Variants in CGN observed in about 807,000 individuals in gnomAD.
The protein encoded by CGN is cingulin.
CGN carries 121 observed loss-of-function variants against 157.1 expected under a neutral mutation model. The ratio of observed to expected loss-of-function variants is 0.77; its 90% CI spans 0.66 to 0.90. The LOEUF is 0.90. Ranked by LOEUF, CGN falls within the 40% of genes least tolerant of loss-of-function variation. The pLI is 0.00. For missense variants in CGN, 1,424 were observed against 1,520.9 expected (o/e 0.94, Z 1.06); for synonymous variants, 535 against 607.5 (o/e 0.88, Z 1.76).
chr1:151,525,603 C>T (rs756389529), intron 8 of CGN, 39 bp from the exon 9 acceptor site: 2 of 1,509,290 alleles, frequency 1.3e-6, no homozygotes, highest in Admixed American at 2.2e-5. Flanking sequence ...TGACCTCTTC[C>T]CTCTGAGCCT....
In CGN at chr1:151,525,537, A is replaced by G. The variant is rs975845985; in HGVS notation, c.1615-105A>G. On this transcript the variant is annotated intron_variant, in intron 8 of 20. Transcript: ENST00000271636. Reference sequence around the variant, plus strand: ...AAGAGTGTCAGGGGGTGCACCTGGCATGGTGCCCTCTGGGTCTAAGCCTTT... The same window carrying G: ...AAGAGTGTCAGGGGGTGCACCTGGCGTGGTGCCCTCTGGGTCTAAGCCTTT... 9 of 862,398 alleles carry G rather than the reference A, an allele frequency of 1.0e-5. No homozygotes were observed. The African/African-American group carries it at 1.2e-4, about 12-fold the overall frequency. The allele number at this position is 862,398 out of a possible 1,614,324, so 53.4% of individuals were successfully genotyped here. A position where few individuals can be genotyped will look rare whatever the true frequency, so the allele number is the denominator to read the frequency against.
upstream of CGN, among the ~76,000 whole-genome samples, chr1:151,510,751 G>T (rs1404839774): frequency 6.6e-6 from 1 of 152,170 alleles, no homozygotes; most frequent in Non-Finnish European, 1.5e-5. Context: ...CGTAGGACGG[G>T]AGGCAAAATG....
intron 10 of CGN, among the ~76,000 whole-genome samples, chr1:151,528,100 C>G (rs921206714): frequency 6.6e-6 from 1 of 150,852 alleles, no homozygotes; most frequent in Non-Finnish European, 1.5e-5. Context: ...GGACTACAGG[C>G]GCCCACCACC....
At chr1:151,512,263 T>A (rs1664317459) in intron 1 of CGN, among the ~76,000 whole-genome samples, 3 of 152,072 alleles carry the variant, frequency 2.0e-5, no homozygotes, top group African/African-American at 7.2e-5. Flanking sequence ...TGCAAAATAT[T>A]GATAAATATT....
intron 14 of CGN, among the ~76,000 whole-genome samples, chr1:151,533,095 C>T (rs557364208): frequency 1.2e-4 from 19 of 152,260 alleles, no homozygotes; most frequent in African/African-American, 4.6e-4. Context: ...GTATCCCATA[C>T]CACTTCAGTC....
intron 6 of CGN, among the ~76,000 whole-genome samples, chr1:151,523,867 G>A (rs1190967113): frequency 1.3e-5 from 2 of 152,166 alleles, no homozygotes; most frequent in Non-Finnish European, 2.9e-5. Flanking sequence ...CATCCATTCA[G>A]CAGATGTTTC....
At chr1:151,525,505 G>A (rs1664652250) in intron 8 of CGN, 137 bp from the exon 9 acceptor site, 2 of 531,544 alleles carry the variant, frequency 3.8e-6, no homozygotes, top group Non-Finnish European at 6.4e-6. Flanking sequence ...ATTGTACCAG[G>A]TACCACAAGA....
chr1:151,517,167 C>A (rs1328700188), intron 1 of CGN, among the ~76,000 whole-genome samples: 1 of 151,954 alleles, frequency 6.6e-6, no homozygotes. Flanking sequence ...TCAAAAAAAA[C>A]ACAACCTTTT....
At chr1:151,533,218 C>G (rs1664878151) in intron 14 of CGN, among the ~76,000 whole-genome samples, 1 of 152,240 alleles carries the variant, frequency 6.6e-6, no homozygotes, top group African/African-American at 2.4e-5. Context: ...TGGCTCACGC[C>G]TGTAATCCCA....
chr1:151,523,038 A>G (rs1367391439), intron 5 of CGN, among the ~76,000 whole-genome samples: 3 of 152,142 alleles, frequency 2.0e-5, no homozygotes, highest in Non-Finnish European at 4.4e-5. Flanking sequence ...ACTTTTGAGT[A>G]TCCTCACAAT....
chr1:151,533,519 G>A (rs1254732996), intron 14 of CGN, among the ~76,000 whole-genome samples: 3 of 150,834 alleles, frequency 2.0e-5, no homozygotes, highest in African/African-American at 7.3e-5. Flanking sequence ...ATGAGGGCAG[G>A]TGCAGTGGCT....
chr1:151,521,219 A>G (rs1664536963), intron 5 of CGN, among the ~76,000 whole-genome samples: 1 of 152,198 alleles, frequency 6.6e-6, no homozygotes, highest in Non-Finnish European at 1.5e-5. Flanking sequence ...GGTCAGTCTT[A>G]TTCTAAAGCC....
intron 8 of CGN, among the ~76,000 whole-genome samples, chr1:151,525,270 G>A (rs992708125): frequency 2.0e-5 from 3 of 152,060 alleles, no homozygotes; most frequent in Admixed American, 1.3e-4. Flanking sequence ...GTAGTGATGC[G>A]TACTTGTAGT....
rs1664790045 is a variant in CGN, at chr1:151,529,869, GCCCTGGGGTCTGAGCTGCCACC to G, written c.2107-34_2107-13del. ...CAAGCCCTGGGGTCTGAGCTGCCAC[GCCCTGGGGTCTGAGCTGCCACC>G]CCCTGAACCGTCCTTAGGCTAAGAT... is the stretch of plus-strand genomic sequence containing the variant. On this transcript the variant is annotated intron_variant, in intron 11 of 20. Transcript: ENST00000271636. The G allele has an allele frequency of 1.3e-6, 2 of 1,580,678 alleles. No individual in the cohort carries two copies. The highest frequency in any genetic ancestry group is 2.1e-4 in the Middle Eastern group (1 of 4,674).
At chr1:151,536,087 C>A in intron 18 of CGN, 150 bp from the exon 19 acceptor site, 1 of 712,728 alleles carries the variant, frequency 1.4e-6, no homozygotes, top group Non-Finnish European at 2.5e-6. Flanking sequence ...AATGACGTCA[C>A]TCTCCCTCAT....
intron 15 of CGN, chr1:151,534,732 A>T (rs1322704120): frequency 3.1e-6 from 1 of 325,458 alleles, no homozygotes; most frequent in Non-Finnish European, 5.8e-6. Context: ...GCCTTGGCCC[A>T]GGTACTTGGG....
At position 151,524,019 on chromosome 1, in the gene CGN, GT is replaced by G. The variant is rs776106178; in HGVS notation, c.1269-206del. Among the ~76,000 whole-genome samples, 34 of 152,126 alleles carry G rather than the reference GT, an allele frequency of 2.2e-4. 2 individuals carry two copies. Among genetic ancestry groups the G allele is most frequent in the Admixed American group, 1.3e-3 (20 of 15,260 alleles). On this transcript the variant is annotated intron_variant, in intron 6 of 20. Transcript: ENST00000271636. This position sits in a 1 kb window ranked among gnomAD's most constrained non-coding sequence, Gnocchi z 4.4. ...ACAAACATATTTTGCAAGTAAATTT[GT>G]AACACACGAGAAGGCAGTAAATACA...
At position 151,535,910 on chromosome 1, in the gene CGN, C is replaced by T. The variant is rs1664957884; in HGVS notation, c.3197+12C>T. ...CAGGCTGAAGAGAGGTGACATAAGC[C>T]TATCCTTCCTCCCTTCCTCCCTCCT... On this transcript the variant is annotated intron_variant, in intron 18 of 20. Coordinates refer to ENST00000271636, the MANE Select transcript of CGN (RefSeq NM_020770.3). 2 of 1,588,008 alleles carry T rather than the reference C, an allele frequency of 1.3e-6. No individual in the cohort carries two copies. Among genetic ancestry groups the T allele is most frequent in the Non-Finnish European group, 1.7e-6 (2 of 1,157,802 alleles).
intron 5 of CGN, among the ~76,000 whole-genome samples, chr1:151,522,287 T>C (rs1650226698): frequency 6.6e-6 from 1 of 151,600 alleles, no homozygotes; most frequent in Admixed American, 6.6e-5. Flanking sequence ...TATAAATAAG[T>C]GAATGAAGCA....
Sources: allele counts gnomAD v4.1 joint callset (sites outside exome capture counted in the v4.1 genomes callset), GRCh38; gene constraint gnomAD v4.1.1; non-coding constraint Gnocchi (gnomAD v3.1); transcripts MANE v1.5; gene names NCBI Gene and HGNC (gene_info 2026-07-23, HGNC 2026-07-21).